Variants in PDE11A observed in about 807,000 individuals in gnomAD.
The protein encoded by PDE11A is dual 3',5'-cyclic-AMP and -GMP phosphodiesterase 11A.
Under a neutral mutation model 100.5 loss-of-function variants are expected in PDE11A, and 100 were observed. The ratio of observed to expected loss-of-function variants is 1.00; its 90% CI spans 0.85 to 1.18. The LOEUF (loss-of-function observed/expected upper bound fraction) is 1.18. Ranked by LOEUF, PDE11A falls within the 50% of genes most tolerant of loss-of-function variation. The pLI is 0.00. For synonymous variants in PDE11A, 381 were observed against 420.8 expected, an observed-to-expected ratio of 0.91 and a Z score of 1.16; for missense variants, 1,141 against 1,152.6, an observed-to-expected ratio of 0.99 and a Z score of 0.15.
intron 9 of PDE11A, among the ~76,000 whole-genome samples, chr2:177,770,207 C>T (rs2082293391): frequency 6.6e-6 from 1 of 152,170 alleles, no homozygotes; most frequent in African/African-American, 2.4e-5. Flanking sequence ...AACAAATGCC[C>T]TTTTGAGTGT....
At chr2:177,918,099 G>A (rs1206751021) in intron 2 of PDE11A, among the ~76,000 whole-genome samples, 1 of 152,154 alleles carries the variant, frequency 6.6e-6, no homozygotes, top group Non-Finnish European at 1.5e-5. Context: ...TTAAAGTTTG[G>A]CCTAACAACA....
intron 1 of PDE11A, chr2:178,018,389 C>CTTGGCACG (rs2086366397): frequency 6.8e-5 from 34 of 497,732 alleles, no homozygotes; most frequent in South Asian, 5.0e-4. Flanking sequence ...TTGACTTTAA[C>CTTGGCACG]CTTTGCCGGG....
intron 6 of PDE11A, among the ~76,000 whole-genome samples, chr2:177,832,689 C>G (rs770732353): frequency 1.3e-5 from 2 of 151,978 alleles, no homozygotes; most frequent in Non-Finnish European, 2.9e-5. Context: ...CAAGCATGTG[C>G]ATTAAGAGAC....
chr2:178,059,937 T>C lies in PDE11A; in HGVS notation c.912+11589A>G, dbSNP rs571064211. Among the ~76,000 whole-genome samples the C allele has an allele frequency of 3.3e-5, 5 of 152,306 alleles. No homozygotes were observed. The South Asian group carries it at 1.0e-3, about 32-fold the overall frequency. On this transcript the variant is annotated intron_variant, in intron 1 of 19. Transcript: ENST00000286063. Reference sequence around the variant, plus strand: ...ACTCTGGGTCAGGTTGAAGCTACATTTGCCAGCCTCCCTGCACTTGGCTAT... The same window carrying C: ...ACTCTGGGTCAGGTTGAAGCTACATCTGCCAGCCTCCCTGCACTTGGCTAT...
chr2:178,071,496 C>T (rs1294121523), intron 1 of PDE11A, 30 bp downstream of exon 1: 1 of 1,612,912 alleles, frequency 6.2e-7, no homozygotes, highest in African/African-American at 1.3e-5. Flanking sequence ...CAATGGGGCT[C>T]TGGGAGAAGG....
chr2:177,872,777 C>T (rs2084161222), intron 5 of PDE11A, among the ~76,000 whole-genome samples: 1 of 152,082 alleles, frequency 6.6e-6, no homozygotes, highest in Admixed American at 6.5e-5. Flanking sequence ...TTTTTAGACT[C>T]ATAGCCCATT....
At chr2:177,904,843 C>T (rs1180480874) in intron 3 of PDE11A, among the ~76,000 whole-genome samples, 3 of 152,162 alleles carry the variant, frequency 2.0e-5, no homozygotes, top group African/African-American at 2.4e-5. Flanking sequence ...CTTAAGCCAT[C>T]GTGCCCAGCC....
intron 15 of PDE11A, among the ~76,000 whole-genome samples, chr2:177,695,541 G>A (rs35793465): frequency 0.05 from 7,582 of 152,218 alleles, 250 homozygotes; most frequent in Non-Finnish European, 0.081. Context: ...GCTTCTAAGT[G>A]CTTGGCTATG....
chr2:178,021,813 TG>T (rs2086416187), intron 1 of PDE11A, among the ~76,000 whole-genome samples: 1 of 151,778 alleles, frequency 6.6e-6, no homozygotes, highest in Admixed American at 6.6e-5. Context: ...TAGGGAGAGG[TG>T]GAAGGGAGTG....
intron 1 of PDE11A, among the ~76,000 whole-genome samples, chr2:178,015,212 G>A (rs2086320389): frequency 6.6e-6 from 1 of 152,134 alleles, no homozygotes; most frequent in South Asian, 2.1e-4. Context: ...AGTAAACTTA[G>A]CATCACTCTT....
chr2:177,906,165 T>TCACA (rs557104355), intron 2 of PDE11A, among the ~76,000 whole-genome samples: 6 of 144,658 alleles, frequency 4.1e-5, no homozygotes, highest in Non-Finnish European at 7.5e-5. Flanking sequence ...TGTCTCTCTC[T>TCACA]CACACACACA....
chr2:177,994,672 C>T (rs1248853133), intron 2 of PDE11A, among the ~76,000 whole-genome samples: 1 of 152,192 alleles, frequency 6.6e-6, no homozygotes, highest in Non-Finnish European at 1.5e-5. Flanking sequence ...TGTGCATAAT[C>T]TTCCCCTTGG....
chr2:177,996,581 T>C (rs1285770040), intron 2 of PDE11A, among the ~76,000 whole-genome samples: 3 of 151,988 alleles, frequency 2.0e-5, no homozygotes. Context: ...GTTTGTATCA[T>C]AATATATGGA....
intron 2 of PDE11A, among the ~76,000 whole-genome samples, chr2:177,986,010 A>T (rs1256679383): frequency 6.6e-6 from 1 of 152,196 alleles, no homozygotes; most frequent in East Asian, 1.9e-4. Context: ...CAAGGCAAAA[A>T]GGATCCTTTT....
At chr2:177,705,341 A>G (rs1310881251) in intron 13 of PDE11A, among the ~76,000 whole-genome samples, 1 of 152,230 alleles carries the variant, frequency 6.6e-6, no homozygotes, top group Admixed American at 6.5e-5. Flanking sequence ...TTTGGGGCAC[A>G]CATCCTTTAG....
chr2:177,897,593 A>T (rs1298742988), intron 4 of PDE11A, among the ~76,000 whole-genome samples: 1 of 152,228 alleles, frequency 6.6e-6, no homozygotes, highest in Non-Finnish European at 1.5e-5. Context: ...TCTGGGCTCC[A>T]AGAGCTAAGG....
chr2:177,813,078 A>T (rs2105573178), intron 9 of PDE11A, among the ~76,000 whole-genome samples: 1 of 79,106 alleles, frequency 1.3e-5, no homozygotes, highest in African/African-American at 7.7e-5. Context: ...CTGAAGAAAC[A>T]GTCTGCCATA....
chr2:177,722,613 G>T (rs2081546971), intron 12 of PDE11A, among the ~76,000 whole-genome samples: 1 of 152,134 alleles, frequency 6.6e-6, no homozygotes, highest in South Asian at 2.1e-4. Context: ...ATGATTAAAA[G>T]ACAGGAGTCT....
chr2:178,087,999 G>A (rs972855428), intron 2 of PDE11A, among the ~76,000 whole-genome samples: 1 of 152,012 alleles, frequency 6.6e-6, no homozygotes. Flanking sequence ...AACCCCTCAC[G>A]TTTTATAGAT....
Sources: allele counts gnomAD v4.1 joint callset (sites outside exome capture counted in the v4.1 genomes callset), GRCh38; gene constraint gnomAD v4.1.1; transcripts MANE v1.5; gene names NCBI Gene and HGNC (gene_info 2026-07-23, HGNC 2026-07-21).